Variants in BICD1 observed in about 807,000 individuals in gnomAD.
BICD1 encodes protein bicaudal D homolog 1.
In BICD1, 35 loss-of-function variants were observed where a neutral mutation model predicts 92.5. That is an observed-to-expected ratio of 0.38 (90% confidence interval 0.29 to 0.50). The LOEUF is 0.50. Among genes scored for constraint, BICD1 ranks in the 20% least tolerant of loss-of-function variants. The pLI, the probability that BICD1 is intolerant of heterozygous loss-of-function variation, is 0.93. For synonymous variants in BICD1, 429 were observed against 465.1 expected, an observed-to-expected ratio of 0.92 and a Z score of 1.00; for missense variants, 950 against 1,189.8, an observed-to-expected ratio of 0.80 and a Z score of 2.97.
At chr12:32,319,618 C>T (rs2136241744) in intron 4 of BICD1, among the ~76,000 whole-genome samples, 1 of 150,854 alleles carries the variant, frequency 6.6e-6, no homozygotes. Context: ...TGGTCTGTTG[C>T]CCAGGCTGGA....
chr12:32,152,912 C>CT (rs969287014), intron 1 of BICD1, among the ~76,000 whole-genome samples: 1 of 152,088 alleles, frequency 6.6e-6, no homozygotes, highest in East Asian at 1.9e-4. Context: ...CAAAACTGCT[C>CT]TTTTTTCCCC....
chr12:32,240,432 G>T (rs189756923), intron 2 of BICD1, among the ~76,000 whole-genome samples: 1 of 152,108 alleles, frequency 6.6e-6, no homozygotes, highest in African/African-American at 2.4e-5. Context: ...CATTCTGTGT[G>T]TTCACTGACT....
At chr12:32,149,382 T>C (rs1943220445) in intron 1 of BICD1, among the ~76,000 whole-genome samples, 1 of 152,242 alleles carries the variant, frequency 6.6e-6, no homozygotes, top group African/African-American at 2.4e-5. Context: ...AATATACAAG[T>C]TACAGAATTT....
chr12:32,149,461 GA>G (rs1440086826), intron 1 of BICD1, among the ~76,000 whole-genome samples: 1 of 152,152 alleles, frequency 6.6e-6, no homozygotes, highest in Non-Finnish European at 1.5e-5. Flanking sequence ...TTGAAGTCAA[GA>G]AATGTATATT....
intron 2 of BICD1, among the ~76,000 whole-genome samples, chr12:32,267,610 C>A (rs959786745): frequency 2.6e-5 from 4 of 151,734 alleles, no homozygotes; most frequent in African/African-American, 9.7e-5. Flanking sequence ...TTTATCAATC[C>A]TTATTAAGCT....
At chr12:32,286,812 G>A (rs11051905) in intron 2 of BICD1, among the ~76,000 whole-genome samples, 18,862 of 151,990 alleles carry the variant, frequency 0.12, 1,277 homozygotes, top group East Asian at 0.21. Flanking sequence ...AGGTATTAGG[G>A]ACACAGGATA....
chr12:32,377,480 C>A (rs1242627936), intron 9 of BICD1, 60 bp from the exon 10 acceptor site: 15 of 1,320,246 alleles, frequency 1.1e-5, no homozygotes, highest in Non-Finnish European at 1.4e-5. Context: ...CTAACCCCTA[C>A]CATTGTGCCT....
chr12:32,322,727 G>A (rs1231978514), intron 4 of BICD1, among the ~76,000 whole-genome samples: 1 of 152,134 alleles, frequency 6.6e-6, no homozygotes, highest in Non-Finnish European at 1.5e-5. Context: ...TACCTTTTTA[G>A]GCTTAGAAAA....
At chr12:32,196,200 T>C (rs933955435) in intron 1 of BICD1, among the ~76,000 whole-genome samples, 1 of 152,188 alleles carries the variant, frequency 6.6e-6, no homozygotes, top group African/African-American at 2.4e-5. Context: ...GGTGGAAATA[T>C]CAATTTGTAC....
intron 2 of BICD1, among the ~76,000 whole-genome samples, chr12:32,224,914 C>T (rs1490604524): frequency 6.6e-6 from 1 of 152,170 alleles, no homozygotes; most frequent in African/African-American, 2.4e-5. Context: ...GTTGGCCAGG[C>T]TGATCTCGAA....
intron 1 of BICD1, among the ~76,000 whole-genome samples, chr12:32,135,642 C>T (rs113898201): frequency 2.0e-4 from 31 of 152,206 alleles, no homozygotes; most frequent in African/African-American, 6.5e-4. Flanking sequence ...CTCAAGCGAT[C>T]TTCTGCCTTT....
intron 2 of BICD1, among the ~76,000 whole-genome samples, chr12:32,225,631 T>TTTTTTTTGTTG (rs1183590901): frequency 7.2e-6 from 1 of 139,388 alleles, no homozygotes; most frequent in Admixed American, 7.6e-5. Flanking sequence ...GTTTTTTTTT[T>TTTTTTTTGTTG]TTTTTTTTTT....
At chr12:32,125,252 C>T (rs1942288026) in intron 1 of BICD1, among the ~76,000 whole-genome samples, 1 of 152,196 alleles carries the variant, frequency 6.6e-6, no homozygotes, top group South Asian at 2.1e-4. Flanking sequence ...GCAGTCTTGA[C>T]TGAGCTTCTA....
intron 1 of BICD1, among the ~76,000 whole-genome samples, chr12:32,129,544 A>T (rs1942463682): frequency 6.6e-6 from 1 of 150,792 alleles, no homozygotes; most frequent in African/African-American, 2.4e-5. Context: ...AAAAAAAAAA[A>T]AAATTCTGTA....
chr12:32,131,162 T>C (rs545111000), intron 1 of BICD1, among the ~76,000 whole-genome samples: 1 of 152,306 alleles, frequency 6.6e-6, no homozygotes, highest in South Asian at 2.1e-4. Flanking sequence ...TAAAATCATA[T>C]TTTAAAGTCC....
At chr12:32,153,040 A>G (rs938317275) in intron 1 of BICD1, among the ~76,000 whole-genome samples, 3 of 152,160 alleles carry the variant, frequency 2.0e-5, no homozygotes, top group African/African-American at 7.2e-5. Flanking sequence ...CATAGTATAC[A>G]GTAGTTTTTC....
Position 32,338,947 on chromosome 12 carries a change from G to C in BICD1, c.2732G>C (p.Ser911Thr), listed in dbSNP as rs1276120971. 2 of 1,602,558 alleles carry C rather than the reference G, an allele frequency of 1.2e-6. No individual in the cohort carries two copies. The change falls in exon 8 of 10, where the codon AGC (serine) becomes ACC (threonine). Residue 911 changes from serine to threonine, a missense_variant. By Grantham distance (58) the Ser-to-Thr change is moderately conservative. Coordinates refer to ENST00000652176, the MANE Select transcript of BICD1 (RefSeq NM_001714.4). ...GAATTCATCCAAGGGCACCGGCTCAGCAAGGAAAAAAGGTTAACCGTGGCT... is the reference window on the plus strand; with the variant it reads ...GAATTCATCCAAGGGCACCGGCTCACCAAGGAAAAAAGGTTAACCGTGGCT... Reference protein sequence around the residue: ...MSEFIQGHRLSKEKRLTVAPP... With the variant: ...MSEFIQGHRLTKEKRLTVAPP...
At chr12:32,306,166 T>C (rs577791851) in intron 4 of BICD1, 44 bp downstream of exon 4, 1 of 1,500,012 alleles carries the variant, frequency 6.7e-7, no homozygotes, top group South Asian at 1.3e-5. Flanking sequence ...TTCTTGTAGA[T>C]TGCAGGTAGC....
At chr12:32,254,317 T>C (rs1481963989) in intron 2 of BICD1, among the ~76,000 whole-genome samples, 1 of 151,756 alleles carries the variant, frequency 6.6e-6, no homozygotes, top group Admixed American at 6.6e-5. Context: ...CCATATTCAC[T>C]GGCAGATCCC....
Sources: gnomAD v4.1 joint callset for allele counts (sites outside exome capture counted in the v4.1 genomes callset) on GRCh38, gnomAD v4.1.1 for gene constraint, MANE v1.5 for transcripts, NCBI Gene and HGNC (gene_info 2026-07-23, HGNC 2026-07-21) for gene names.